REM2: variants seen among roughly 807,000 people sequenced by gnomAD.
REM2 encodes GTP-binding protein REM 2.
In REM2, 24 loss-of-function variants were observed where a neutral mutation model predicts 24.4. The ratio of observed to expected loss-of-function variants is 0.98; its 90% CI spans 0.71 to 1.38. The LOEUF (loss-of-function observed/expected upper bound fraction) is 1.38, where lower values mean the gene tolerates loss of function less well. Among genes scored for constraint, REM2 ranks in the 40% most tolerant of loss-of-function variants. The pLI, the probability that REM2 is intolerant of heterozygous loss-of-function variation, is 0.00. For synonymous variants in REM2, 187 were observed against 198.0 expected (o/e 0.94, Z 0.47); for missense variants, 429 against 467.8 (o/e 0.92, Z 0.77).
chr14:22,885,918 A>T, intron 3 of REM2, 106 bp from the exon 4 acceptor site: 1 of 834,028 alleles, frequency 1.2e-6, no homozygotes, highest in Non-Finnish European at 2.0e-6. Flanking sequence ...TGTCCTAAGC[A>T]GGTGGCTTCT....
chr14:22,885,273 C>T lies in REM2; in HGVS notation c.453C>T (p.Thr151=), dbSNP rs765682281. ...SAHEPENPED[T]YERRIMVDKE... ...CTCCCTATTTCCCAGCAGAGGATACCTATGAGAGACGCATCATGGTGGATA... is the reference window on the plus strand; with the variant it reads ...CTCCCTATTTCCCAGCAGAGGATACTTATGAGAGACGCATCATGGTGGATA... The change falls in exon 3 of 5, where the codon ACC becomes ACT. Residue 151 remains threonine, a synonymous_variant. Coordinates refer to ENST00000267396, the MANE Select transcript of REM2 (RefSeq NM_173527.3). The T allele has an allele frequency of 1.2e-6, 2 of 1,613,256 alleles. No homozygotes were observed. The highest frequency in any genetic ancestry group is 3.3e-5 in the Admixed American group (2 of 60,016).
chr14:22,884,011 T>A (rs1458774045), intron 1 of REM2: 2 of 984,690 alleles, frequency 2.0e-6, no homozygotes, highest in Non-Finnish European at 2.4e-6. Context: ...GATTCTCACA[T>A]CCAACCACGC....
In REM2 at chr14:22,886,325, G is replaced by A. The variant is rs2040127358; in HGVS notation, c.727+94G>A. On this transcript the variant is annotated intron_variant, in intron 4 of 4. Transcript: ENST00000267396. The surrounding 1 kb of genome is among the most constrained non-coding windows in gnomAD (Gnocchi z 5.9). ...CTCCCTAAGGCCTTTTTACCATCGC[G>A]GACGCACTCACTTGCAATCAGACCC... is the stretch of plus-strand genomic sequence containing the variant. 8.5e-7 allele frequency: 1 copy of A among 1,177,458 alleles called. No individual in the cohort carries two copies. The highest frequency in any genetic ancestry group is 1.2e-6 in the Non-Finnish European group (1 of 811,684). 72.9% of individuals were successfully genotyped at this position (1,177,458 alleles called of 1,614,324 possible).
rs1178906583 is a variant in REM2 at position 22,887,385 on chromosome 14, A to G, written c.*476A>G. On this transcript the variant is annotated 3_prime_UTR_variant, in exon 5 of 5. Transcript: ENST00000267396. ...GTCTTAAAGGTAAAGACACGAAAAC[A>G]CTTCCTCCAGGGACCTTCCCGAAAA... 2 of 152,158 alleles carry G rather than the reference A, an allele frequency of 1.3e-5. No individual in the cohort carries two copies. Among genetic ancestry groups the G allele is most frequent in the African/African-American group, 2.4e-5 (1 of 41,344 alleles). 9.4% of individuals were successfully genotyped at this position (152,158 alleles called of 1,614,324 possible). A position where few individuals can be genotyped will look rare whatever the true frequency, so the allele number is the denominator to read the frequency against.
intron 1 of REM2, among the ~76,000 whole-genome samples, chr14:22,883,753 T>C (rs1425999054): frequency 6.6e-6 from 1 of 152,132 alleles, no homozygotes; most frequent in Non-Finnish European, 1.5e-5. Flanking sequence ...GGAACTATTG[T>C]AAGGGTTCTT....
chr14:22,886,596 G>A lies in REM2; in HGVS notation c.728-18G>A. On this transcript the variant is annotated intron_variant, in intron 4 of 4. Transcript: ENST00000267396. This position sits in a 1 kb window ranked among gnomAD's most constrained non-coding sequence, Gnocchi z 5.9. ...CCCGTACAGCCCAGCGGGCGCCTGA[G>A]CCGGTGCCTTCCTGCAGAGGGCCGC... The A allele has an allele frequency of 6.9e-7, 1 of 1,446,222 alleles. No individual in the cohort carries two copies. Among genetic ancestry groups the A allele is most frequent in the Non-Finnish European group, 9.1e-7 (1 of 1,099,280 alleles). 89.6% of individuals were successfully genotyped at this position (1,446,222 alleles called of 1,614,324 possible).
At position 22,886,579 on chromosome 14, in the gene REM2, G is replaced by A; in HGVS notation, c.728-35G>A. 1 of 1,442,280 alleles carries A rather than the reference G, an allele frequency of 6.9e-7. No individual in the cohort carries two copies. The highest frequency in any genetic ancestry group is 9.1e-7 in the Non-Finnish European group (1 of 1,097,892). The allele number at this position is 1,442,280 out of a possible 1,614,324, so 89.3% of individuals were successfully genotyped here. ...CCACCCTCGCCCCGGGTCCCGTACA[G>A]CCCAGCGGGCGCCTGAGCCGGTGCC... On this transcript the variant is annotated intron_variant, in intron 4 of 4. Transcript: ENST00000267396. This position sits in a 1 kb window ranked among gnomAD's most constrained non-coding sequence, Gnocchi z 5.9.
In REM2 at chr14:22,884,948, CAAGAGCACCCTA is replaced by C; in HGVS notation, c.379_390del (p.Lys127_Leu130del). 5 of 1,594,260 alleles carry C rather than the reference CAAGAGCACCCTA, an allele frequency of 3.1e-6. No homozygotes were observed. Among genetic ancestry groups the C allele is most frequent in the Non-Finnish European group, 4.3e-6 (5 of 1,167,468 alleles). The stretch of plus-strand genomic sequence containing the variant: ...TGCTAGTGGGGGAGAGCGGCGTGGG[CAAGAGCACCCTA>C]GCAGGCACTTTTGGTGGTCTCCAGG... On this transcript the variant is annotated inframe_deletion, in exon 2 of 5. Transcript: ENST00000267396.
At chr14:22,883,412 T>C in intron 1 of REM2, 22 bp downstream of exon 1, 1 of 1,550,802 alleles carries the variant, frequency 6.4e-7, no homozygotes. Context: ...CCTGGGCAGG[T>C]TCCGGCTGAA....
Position 22,886,900 on chromosome 14 carries a change from G to A in REM2, c.1014G>A (p.Ser338=), listed in dbSNP as rs1243773979. The change falls in exon 5 of 5, where the codon TCG becomes TCA. Residue 338 remains serine, a synonymous_variant. Transcript: ENST00000267396. The surrounding 1 kb of genome is among the most constrained non-coding windows in gnomAD (Gnocchi z 5.9). The part of the protein sequence containing the change: ...KQRSRSCHDL[S]VL Reference sequence around the variant, plus strand: ...GCTCCAGGTCGTGTCACGACCTCTCGGTGCTCTGAGCCGCGGTCGCCATGG... The same window carrying A: ...GCTCCAGGTCGTGTCACGACCTCTCAGTGCTCTGAGCCGCGGTCGCCATGG... 6.7e-7 allele frequency: 1 copy of A among 1,498,982 alleles called. No individual in the cohort carries two copies. Among genetic ancestry groups the A allele is most frequent in the South Asian group, 1.3e-5 (1 of 77,628 alleles). 92.9% of individuals were successfully genotyped at this position (1,498,982 alleles called of 1,614,324 possible). A position where few individuals can be genotyped will look rare whatever the true frequency, so the allele number is the denominator to read the frequency against.
In REM2 at chr14:22,885,344, G is replaced by A; in HGVS notation, c.519+5G>A. 1 of 1,608,728 alleles carries A rather than the reference G, an allele frequency of 6.2e-7. No homozygotes were observed. Among genetic ancestry groups the A allele is most frequent in the Non-Finnish European group, 8.5e-7 (1 of 1,175,120 alleles). ...GTTTATGACATCTGGGAACAGGTGA[G>A]AACTAAGATGTGGCTGCAGGCAGGT... On this transcript the variant is annotated splice_donor_5th_base_variant and intron_variant, in intron 3 of 4. Coordinates refer to ENST00000267396, the MANE Select transcript of REM2 (RefSeq NM_173527.3).
intron 1 of REM2, chr14:22,884,209 A>G (rs540766664): frequency 1.0e-6 from 1 of 985,428 alleles, no homozygotes; most frequent in Admixed American, 6.1e-5. Flanking sequence ...ACTGGGCAGC[A>G]GTTTCAGCTT....
Position 22,887,325 on chromosome 14 carries a change from T to C in REM2, c.*416T>C, listed in dbSNP as rs2040140580. ...ACTCCTTGACGGAGTTTGCCTCCTT[T>C]GTACGCTGCGTGAACATGCCTCACC... On this transcript the variant is annotated 3_prime_UTR_variant, in exon 5 of 5. Transcript: ENST00000267396. The C allele has an allele frequency of 6.3e-6, 1 of 158,864 alleles. No homozygotes were observed. Among genetic ancestry groups the C allele is most frequent in the African/African-American group, 2.4e-5 (1 of 41,750 alleles). 9.8% of individuals were successfully genotyped at this position (158,864 alleles called of 1,614,324 possible). A position where few individuals can be genotyped will look rare whatever the true frequency, so the allele number is the denominator to read the frequency against.
chr14:22,883,253 GC>G lies in REM2; in HGVS notation c.-34del. On this transcript the variant is annotated 5_prime_UTR_variant, in exon 1 of 5. Coordinates refer to ENST00000267396, the MANE Select transcript of REM2 (RefSeq NM_173527.3). ...GGGAGAGGGTGCTGCGAGCTGCTGG[GC>G]TGCACACGCACACGCACACGCACAC... The G allele has an allele frequency of 4.3e-6, 5 of 1,170,932 alleles. No homozygotes were observed. Among genetic ancestry groups the G allele is most frequent in the Non-Finnish European group, 6.2e-6 (5 of 800,538 alleles). 72.5% of individuals were successfully genotyped at this position (1,170,932 alleles called of 1,614,324 possible). A position where few individuals can be genotyped will look rare whatever the true frequency, so the allele number is the denominator to read the frequency against.
chr14:22,885,345 A>C lies in REM2; in HGVS notation c.519+6A>C. ...TTTATGACATCTGGGAACAGGTGAG[A>C]ACTAAGATGTGGCTGCAGGCAGGTG... On this transcript the variant is annotated splice_donor_region_variant and intron_variant, in intron 3 of 4. Transcript: ENST00000267396. 6.2e-7 allele frequency: 1 copy of C among 1,608,094 alleles called. No individual in the cohort carries two copies. The highest frequency in any genetic ancestry group is 8.5e-7 in the Non-Finnish European group (1 of 1,174,542).
Position 22,886,431 on chromosome 14 carries a change from G to A in REM2, c.728-183G>A, listed in dbSNP as rs1419436885. On this transcript the variant is annotated intron_variant, in intron 4 of 4. Coordinates refer to ENST00000267396, the MANE Select transcript of REM2 (RefSeq NM_173527.3). The surrounding 1 kb of genome is among the most constrained non-coding windows in gnomAD (Gnocchi z 5.9). The stretch of plus-strand genomic sequence containing the variant: ...TCACTTCCCCTCACCTCTCTCCTAG[G>A]CCTCCTTCTCCCTCTCCTTCGCACC... 1.7e-5 allele frequency: 12 copies of A among 712,932 alleles called. No individual in the cohort carries two copies. The East Asian group carries it at 3.0e-4, about 18-fold the overall frequency. 44.2% of individuals were successfully genotyped at this position (712,932 alleles called of 1,614,324 possible).
At position 22,885,318 on chromosome 14, in the gene REM2, C is replaced by G; in HGVS notation, c.498C>G (p.Val166=). The G allele has an allele frequency of 1.2e-6, 2 of 1,613,172 alleles. No homozygotes were observed. The highest frequency in any genetic ancestry group is 1.7e-6 in the Non-Finnish European group (2 of 1,179,176). Residue 166 remains valine (V), a synonymous_variant, in exon 3 of 5, where the codon GTC becomes GTG. Transcript: ENST00000267396. ...IMVDKEEVTL[V]VYDIWEQGDA... ...TGGATAAGGAGGAAGTGACTCTAGT[C>G]GTTTATGACATCTGGGAACAGGTGA...
Position 22,885,922 on chromosome 14 carries a change from G to A in REM2, c.520-102G>A. 7 of 883,430 alleles carry A rather than the reference G, an allele frequency of 7.9e-6. No homozygotes were observed. The South Asian group carries it at 8.5e-5, about 11-fold the overall frequency. 54.7% of individuals were successfully genotyped at this position (883,430 alleles called of 1,614,324 possible). A position where few individuals can be genotyped will look rare whatever the true frequency, so the allele number is the denominator to read the frequency against. On this transcript the variant is annotated intron_variant, in intron 3 of 4. Transcript: ENST00000267396. ...ACTAGCTCTGCTGTCCTAAGCAGGT[G>A]GCTTCTTTCTGCCTCACAGCCCTGT...
At chr14:22,885,535 G>C (rs2040117241) in intron 3 of REM2, among the ~76,000 whole-genome samples, 196 bp downstream of exon 3, 4 of 152,132 alleles carry the variant, frequency 2.6e-5, no homozygotes, top group Admixed American at 2.6e-4. Flanking sequence ...GTCTTTCCAG[G>C]ATCTTCTGAC....
Sources: allele counts gnomAD v4.1 joint callset (sites outside exome capture counted in the v4.1 genomes callset), GRCh38; gene constraint gnomAD v4.1.1; non-coding constraint Gnocchi (gnomAD v3.1); transcripts MANE v1.5; gene names NCBI Gene and HGNC (gene_info 2026-07-23, HGNC 2026-07-21).